The following CTNND2 variants were observed in gnomAD, a reference collection of about 807,000 sequenced individuals.
The protein encoded by CTNND2 is catenin delta-2.
Under a neutral mutation model 144.4 loss-of-function variants are expected in CTNND2, and 22 were observed. The observed-to-expected ratio is 0.15, with a 90% CI of 0.11 to 0.22. The LOEUF is 0.22. CTNND2 is among the 10% of genes least tolerant of loss of function. The pLI is 1.00. For synonymous variants in CTNND2, 751 were observed against 695.6 expected, an observed-to-expected ratio of 1.08 and a Z score of -1.25; for missense variants, 1,353 against 1,618.8, an observed-to-expected ratio of 0.84 and a Z score of 2.82.
At position 11,397,112 on chromosome 5, in the gene CTNND2, G is replaced by A. The variant is rs1760215331; in HGVS notation, c.531C>T (p.Thr177=). The A allele has an allele frequency of 1.2e-6, 2 of 1,614,154 alleles. No homozygotes were observed. Among genetic ancestry groups the A allele is most frequent in the Non-Finnish European group, 1.7e-6 (2 of 1,180,034 alleles). The change falls in exon 6 of 22, where the codon ACC becomes ACT. Residue 177 remains threonine (T), a synonymous_variant. Transcript: ENST00000304623. ...QYPASYHSNQ[T]LALGETTPSQ... ...AAGGGGTGGTTTCCCCCAGGGCCAGGGTCTGGTTGCTATGGTAGCTGGCCG... is the reference window on the plus strand; with the variant it reads ...AAGGGGTGGTTTCCCCCAGGGCCAGAGTCTGGTTGCTATGGTAGCTGGCCG...
chr5:11,510,300 T>C lies in CTNND2; in HGVS notation c.287+54644A>G, dbSNP rs185016299. Reference sequence around the variant, plus strand: ...CTAAACCCTTGGCAACTAAAAAATATGATCTTTGATTACAGAAATAAAGGC... The same window carrying C: ...CTAAACCCTTGGCAACTAAAAAATACGATCTTTGATTACAGAAATAAAGGC... On this transcript the variant is annotated intron_variant, in intron 3 of 21. Coordinates refer to ENST00000304623, the MANE Select transcript of CTNND2 (RefSeq NM_001332.4). Among the ~76,000 whole-genome samples, 162 of 152,254 alleles carry C rather than the reference T, an allele frequency of 1.1e-3. 5 individuals are homozygous for C. Among genetic ancestry groups the C allele is most frequent in the Admixed American group, 0.011 (161 of 15,294 alleles).
At chr5:11,720,673 T>C (rs933372457) in intron 2 of CTNND2, among the ~76,000 whole-genome samples, 3 of 152,182 alleles carry the variant, frequency 2.0e-5, no homozygotes, top group African/African-American at 7.2e-5. Context: ...GCTTATTTTG[T>C]CTACTGACTA....
At chr5:11,474,593 A>G (rs1767541896) in intron 3 of CTNND2, among the ~76,000 whole-genome samples, 2 of 152,344 alleles carry the variant, frequency 1.3e-5, no homozygotes, top group South Asian at 4.1e-4. Context: ...GAGGGCACCA[A>G]GACAGAAGAC....
intron 15 of CTNND2, among the ~76,000 whole-genome samples, chr5:11,096,400 T>C (rs1313903778): frequency 6.6e-6 from 1 of 152,070 alleles, no homozygotes; most frequent in Admixed American, 6.6e-5. Context: ...CACTTACGAG[T>C]GAGAACATGT....
chr5:11,105,398 C>T (rs1463290846), intron 14 of CTNND2, among the ~76,000 whole-genome samples: 1 of 152,180 alleles, frequency 6.6e-6, no homozygotes, highest in Non-Finnish European at 1.5e-5. Flanking sequence ...GTTGTCATGG[C>T]TGTGGCAGAA....
chr5:11,167,487 T>C (rs973554909), intron 11 of CTNND2, among the ~76,000 whole-genome samples: 1 of 152,206 alleles, frequency 6.6e-6, no homozygotes, highest in African/African-American at 2.4e-5. Context: ...TAAATTTACC[T>C]GGGTCTCCAT....
chr5:11,233,276 T>A (rs573242709), intron 10 of CTNND2, among the ~76,000 whole-genome samples: 77 of 152,214 alleles, frequency 5.1e-4, no homozygotes, highest in African/African-American at 1.8e-3. Flanking sequence ...ATTGCACATA[T>A]AAGATCTGGT....
intron 1 of CTNND2, among the ~76,000 whole-genome samples, chr5:11,805,412 C>T (rs1321885598): frequency 1.3e-5 from 2 of 151,992 alleles, no homozygotes; most frequent in East Asian, 3.9e-4. Flanking sequence ...TAGTATTCTT[C>T]AATAAAAGGA....
At chr5:11,228,987 G>A (rs1740673743) in intron 10 of CTNND2, among the ~76,000 whole-genome samples, 1 of 152,148 alleles carries the variant, frequency 6.6e-6, no homozygotes, top group Non-Finnish European at 1.5e-5. Flanking sequence ...TGATTTCCTA[G>A]AGCAAGAATT....
intron 3 of CTNND2, among the ~76,000 whole-genome samples, chr5:11,437,636 C>G (rs1367210432): frequency 6.6e-6 from 1 of 152,010 alleles, no homozygotes; most frequent in Admixed American, 6.6e-5. Flanking sequence ...TGAAGGCAGA[C>G]ATGAGTGTGA....
chr5:11,300,004 G>T (rs1400749970), intron 9 of CTNND2, among the ~76,000 whole-genome samples: 3 of 152,194 alleles, frequency 2.0e-5, no homozygotes, highest in Non-Finnish European at 4.4e-5. Context: ...CCTCTCAAAA[G>T]AAATGGGCAG....
At chr5:11,202,487 A>G (rs1273265783) in intron 10 of CTNND2, among the ~76,000 whole-genome samples, 1 of 152,202 alleles carries the variant, frequency 6.6e-6, no homozygotes, top group African/African-American at 2.4e-5. Flanking sequence ...CAGATCCTCT[A>G]TATTAAAACT....
intron 5 of CTNND2, among the ~76,000 whole-genome samples, chr5:11,409,860 G>T (rs1761375151): frequency 6.6e-6 from 1 of 151,952 alleles, no homozygotes; most frequent in African/African-American, 2.4e-5. Flanking sequence ...TCTTTTCAGA[G>T]GAGAATTTAG....
intron 2 of CTNND2, among the ~76,000 whole-genome samples, chr5:11,707,100 A>AC (rs1785751196): frequency 6.6e-6 from 1 of 151,818 alleles, no homozygotes; most frequent in Non-Finnish European, 1.5e-5. Context: ...AAAAAAAAAA[A>AC]GAAAGTGAAA....
At chr5:11,570,989 T>A (rs569039716) in intron 2 of CTNND2, among the ~76,000 whole-genome samples, 1 of 152,318 alleles carries the variant, frequency 6.6e-6, no homozygotes, top group South Asian at 2.1e-4. Flanking sequence ...ATCAATTTAA[T>A]CATGTAAGTC....
intron 14 of CTNND2, among the ~76,000 whole-genome samples, chr5:11,109,656 G>T (rs1383573862): frequency 6.6e-6 from 1 of 152,100 alleles, no homozygotes; most frequent in Non-Finnish European, 1.5e-5. Flanking sequence ...TTTCAGTGAG[G>T]TATAAATTTC....
chr5:11,797,512 G>C (rs888706408), intron 1 of CTNND2, among the ~76,000 whole-genome samples: 1 of 152,172 alleles, frequency 6.6e-6, no homozygotes, highest in African/African-American at 2.4e-5. Flanking sequence ...CCAAGTGTAA[G>C]CTTACAACTC....
At chr5:11,679,962 A>T (rs188735768) in intron 2 of CTNND2, among the ~76,000 whole-genome samples, 16 of 152,350 alleles carry the variant, frequency 1.1e-4, no homozygotes, top group African/African-American at 3.8e-4. Flanking sequence ...CAGGAATTAC[A>T]GAAGAATAGA....
At chr5:11,669,726 G>T in intron 2 of CTNND2, among the ~76,000 whole-genome samples, 1 of 151,240 alleles carries the variant, frequency 6.6e-6, no homozygotes, top group Admixed American at 6.6e-5. Context: ...TTTTTTTGAA[G>T]GGTATTTTGT....
Sources: allele counts gnomAD v4.1 joint callset (sites outside exome capture counted in the v4.1 genomes callset), GRCh38; gene constraint gnomAD v4.1.1; transcripts MANE v1.5; gene names NCBI Gene and HGNC (gene_info 2026-07-23, HGNC 2026-07-21).